ZCWPW2: variants seen among roughly 807,000 people sequenced by gnomAD.
The protein encoded by ZCWPW2 is zinc finger CW-type and PWWP domain containing 2, also known as zinc finger CW-type PWWP domain protein 2.
Under a neutral mutation model 46.6 loss-of-function variants are expected in ZCWPW2, and 45 were observed. The ratio of observed to expected loss-of-function variants is 0.96; its 90% CI spans 0.76 to 1.24. The LOEUF (loss-of-function observed/expected upper bound fraction) is 1.24, where lower values mean the gene tolerates loss of function less well. ZCWPW2 is among the 50% of genes most tolerant of loss of function. The pLI, the probability that ZCWPW2 is intolerant of heterozygous loss-of-function variation, is 0.00. For synonymous variants in ZCWPW2, 152 were observed against 137.1 expected, an observed-to-expected ratio of 1.11 and a Z score of -0.76; for missense variants, 429 against 403.9, an observed-to-expected ratio of 1.06 and a Z score of -0.53.
At position 28,514,081 on chromosome 3, in the gene ZCWPW2, TA is replaced by T; in HGVS notation, c.677del (p.Asn226IlefsTer18). 6.6e-7 allele frequency: 1 copy of T among 1,511,160 alleles called. No homozygotes were observed. The highest frequency in any genetic ancestry group is 9.1e-7 in the Non-Finnish European group (1 of 1,103,530). The allele number at this position is 1,511,160 out of a possible 1,614,324, so 93.6% of individuals were successfully genotyped here. A position where few individuals can be genotyped will look rare whatever the true frequency, so the allele number is the denominator to read the frequency against. On this transcript the variant is annotated frameshift_variant, in exon 7 of 10. Coordinates refer to ENST00000383768, the MANE Select transcript of ZCWPW2 (RefSeq NM_001040432.4). LOFTEE classifies it high-confidence loss of function. ...TGTTATAGAAGCAGACTTCTAAAAA[TA>T]ATATTGAAAAGAAGAAGCCCAAATT... ...VKKRKQTSKN[N>X]IEKKKPKFRK...
intron 4 of ZCWPW2, among the ~76,000 whole-genome samples, chr3:28,449,961 A>T (rs1373285204): frequency 1.3e-5 from 2 of 152,200 alleles, no homozygotes; most frequent in Non-Finnish European, 2.9e-5. Flanking sequence ...TTTGCTCTTC[A>T]TGCAAGTCTT....
intron 4 of ZCWPW2, among the ~76,000 whole-genome samples, chr3:28,454,055 A>G (rs1250456113): frequency 1.3e-5 from 2 of 151,584 alleles, no homozygotes; most frequent in African/African-American, 2.4e-5. Context: ...CGTGTTAGCC[A>G]GGATGGTCTC....
At chr3:28,363,097 A>G (rs1026705768) in intron 1 of ZCWPW2, among the ~76,000 whole-genome samples, 2 of 152,060 alleles carry the variant, frequency 1.3e-5, no homozygotes, top group South Asian at 2.1e-4. Context: ...AAAAAAAACA[A>G]AACAAAGCTG....
At chr3:28,382,180 A>AG (rs1006176720) in intron 1 of ZCWPW2, among the ~76,000 whole-genome samples, 14 of 151,746 alleles carry the variant, frequency 9.2e-5, no homozygotes, top group East Asian at 7.7e-4. Context: ...AAAAAAAAAA[A>AG]AGAGAAATTT....
At chr3:28,353,502 A>G (rs999164066) in intron 1 of ZCWPW2, among the ~76,000 whole-genome samples, 5 of 152,200 alleles carry the variant, frequency 3.3e-5, no homozygotes, top group African/African-American at 4.8e-5. Context: ...TTTCAAAAAG[A>G]TGCATGATGG....
At chr3:28,358,031 C>G (rs550632241) in intron 1 of ZCWPW2, among the ~76,000 whole-genome samples, 1 of 151,948 alleles carries the variant, frequency 6.6e-6, no homozygotes, top group East Asian at 1.9e-4. Flanking sequence ...ATTATTTACT[C>G]TTGGTAGTCA....
At chr3:28,520,869 G>A in intron 8 of ZCWPW2, 123 bp from the exon 9 acceptor site, 1 of 1,171,690 alleles carries the variant, frequency 8.5e-7, no homozygotes. Flanking sequence ...AAAATTATAT[G>A]AAACATTTAT....
At chr3:28,392,424 A>G (rs547284739) in intron 2 of ZCWPW2, among the ~76,000 whole-genome samples, 13 of 152,330 alleles carry the variant, frequency 8.5e-5, no homozygotes, top group African/African-American at 2.6e-4. Flanking sequence ...CAGAAATCCA[A>G]TAAGGAAACA....
intron 3 of ZCWPW2, 126 bp from the exon 4 acceptor site, chr3:28,434,984 T>A: frequency 1.1e-6 from 1 of 922,032 alleles, no homozygotes; most frequent in South Asian, 1.7e-5. Context: ...AAGATATAAG[T>A]AGGAATATAT....
chr3:28,371,686 A>C (rs1015029371), intron 1 of ZCWPW2, among the ~76,000 whole-genome samples: 1 of 152,046 alleles, frequency 6.6e-6, no homozygotes, highest in African/African-American at 2.4e-5. Context: ...ATAAATAATA[A>C]ATAAATGATT....
At chr3:28,360,213 A>G (rs908680994) in intron 1 of ZCWPW2, among the ~76,000 whole-genome samples, 1 of 152,040 alleles carries the variant, frequency 6.6e-6, no homozygotes, top group African/African-American at 2.4e-5. Flanking sequence ...TCCAGAAGAC[A>G]AAACAATTCT....
chr3:28,472,993 T>C (rs933264716), intron 4 of ZCWPW2, among the ~76,000 whole-genome samples: 3 of 152,086 alleles, frequency 2.0e-5, no homozygotes, highest in African/African-American at 7.2e-5. Flanking sequence ...CTCAACATCA[T>C]TGATCACCAG....
chr3:28,433,490 G>C (rs571392690), intron 3 of ZCWPW2, among the ~76,000 whole-genome samples: 1 of 152,096 alleles, frequency 6.6e-6, no homozygotes, highest in Non-Finnish European at 1.5e-5. Context: ...AAACAGGCTG[G>C]GTGCAGTGGC....
At chr3:28,404,397 G>T (rs1696074690) in intron 2 of ZCWPW2, among the ~76,000 whole-genome samples, 1 of 151,806 alleles carries the variant, frequency 6.6e-6, no homozygotes, top group Non-Finnish European at 1.5e-5. Flanking sequence ...TGGATGCGGT[G>T]AACAGGGAAC....
intron 6 of ZCWPW2, among the ~76,000 whole-genome samples, chr3:28,511,455 A>C (rs1449883095): frequency 6.6e-6 from 1 of 152,196 alleles, no homozygotes; most frequent in Non-Finnish European, 1.5e-5. Flanking sequence ...CTGTCTATCC[A>C]AGTGTTAAAT....
At chr3:28,436,323 C>CTTTTTTTTTTTTTTTTT (rs71087698) in intron 4 of ZCWPW2, among the ~76,000 whole-genome samples, 1 of 116,836 alleles carries the variant, frequency 8.6e-6, no homozygotes, top group African/African-American at 3.3e-5. Context: ...TCTTTTTTTT[C>CTTTTTTTTTTTTTTTTT]TTTTTTTTTT....
At position 28,526,289 on chromosome 3, in the gene ZCWPW2, C is replaced by T. The variant is rs923358445; in HGVS notation, c.*1601C>T. On this transcript the variant is annotated 3_prime_UTR_variant, in exon 10 of 10. Coordinates refer to ENST00000383768, the MANE Select transcript of ZCWPW2 (RefSeq NM_001040432.4). Reference sequence around the variant, plus strand: ...ATGATCAGTTTTCTTTCTGTTATATCATTTAATCTACTACTCATCAATATC... The same window carrying T: ...ATGATCAGTTTTCTTTCTGTTATATTATTTAATCTACTACTCATCAATATC... Among the ~76,000 whole-genome samples, 2 of 152,100 alleles carry T rather than the reference C, an allele frequency of 1.3e-5. No individual in the cohort carries two copies. Among genetic ancestry groups the T allele is most frequent in the African/African-American group, 4.8e-5 (2 of 41,416 alleles).
At chr3:28,431,361 G>A (rs1482442317) in intron 3 of ZCWPW2, among the ~76,000 whole-genome samples, 2 of 152,068 alleles carry the variant, frequency 1.3e-5, no homozygotes, top group African/African-American at 4.8e-5. Context: ...CAGTTCTGGA[G>A]GCTAGAAATC....
intron 1 of ZCWPW2, among the ~76,000 whole-genome samples, chr3:28,352,887 T>C (rs555306688): frequency 2.0e-5 from 3 of 152,252 alleles, no homozygotes; most frequent in African/African-American, 7.2e-5. Context: ...CAATAAAAGC[T>C]TTTTATATTT....
Sources: allele counts gnomAD v4.1 joint callset (sites outside exome capture counted in the v4.1 genomes callset), GRCh38; gene constraint gnomAD v4.1.1; transcripts MANE v1.5; gene names NCBI Gene and HGNC (gene_info 2026-07-23, HGNC 2026-07-21).